The following WLS variants were observed in gnomAD, a reference collection of about 807,000 sequenced individuals.
The protein encoded by WLS is Wnt ligand secretion mediator.
Under a neutral mutation model 62.8 loss-of-function variants are expected in WLS, and 23 were observed. The observed-to-expected ratio is 0.37, with a 90% CI of 0.26 to 0.52. The LOEUF is 0.52. Ranked by LOEUF, WLS falls within the 20% of genes least tolerant of loss-of-function variation. The pLI is 0.92. For synonymous variants in WLS, 246 were observed against 244.1 expected (o/e 1.01, Z -0.07); for missense variants, 615 against 697.3 (o/e 0.88, Z 1.33).
At chr1:68,171,864 G>A (rs12029357) in intron 2 of WLS, among the ~76,000 whole-genome samples, 7,663 of 152,180 alleles carry the variant, frequency 0.05, 215 homozygotes, top group Middle Eastern at 0.11. Context: ...ACATGCACAC[G>A]TATGTTTATT....
intron 6 of WLS, among the ~76,000 whole-genome samples, chr1:68,149,791 C>A (rs2100464699): frequency 6.6e-6 from 1 of 152,258 alleles, no homozygotes; most frequent in Admixed American, 6.5e-5. Context: ...TTCCTGGGGA[C>A]AGGACAAGCA....
chr1:68,176,237 C>G (rs1252762266), intron 2 of WLS: 1 of 142,948 alleles, frequency 7.0e-6, no homozygotes, highest in Non-Finnish European at 1.6e-5. Context: ...ACTGGCAACC[C>G]CTAGATTCCG....
chr1:68,157,580 C>CTT (rs11378232), intron 3 of WLS, among the ~76,000 whole-genome samples: 2,261 of 146,734 alleles, frequency 0.015, 30 homozygotes, highest in Non-Finnish European at 0.023. Flanking sequence ...GGCAACTTGA[C>CTT]TTTTTTTTTT....
At chr1:68,224,777 TG>T (rs1447335122) in intron 1 of WLS, among the ~76,000 whole-genome samples, 1 of 151,414 alleles carries the variant, frequency 6.6e-6, no homozygotes, top group Admixed American at 6.6e-5. Context: ...AACGAAAAGG[TG>T]GGGGGGATTG....
intron 11 of WLS, among the ~76,000 whole-genome samples, chr1:68,132,082 A>G (rs1010999143): frequency 2.0e-5 from 3 of 152,232 alleles, no homozygotes; most frequent in African/African-American, 7.2e-5. Flanking sequence ...GGTAACTGAG[A>G]TGTCCCTATC....
At chr1:68,149,379 A>G (rs961348287) in intron 6 of WLS, among the ~76,000 whole-genome samples, 5 of 152,278 alleles carry the variant, frequency 3.3e-5, no homozygotes, top group African/African-American at 1.2e-4. Context: ...AGGACACCTC[A>G]TGGAGAAAGA....
At chr1:68,173,919 C>G (rs567988231) in intron 2 of WLS, among the ~76,000 whole-genome samples, 4 of 152,240 alleles carry the variant, frequency 2.6e-5, no homozygotes, top group African/African-American at 9.6e-5. Flanking sequence ...CTAAATTATA[C>G]TCTGCCTAGC....
intron 1 of WLS, among the ~76,000 whole-genome samples, chr1:68,219,913 A>G (rs1390417847): frequency 6.6e-6 from 1 of 152,112 alleles, no homozygotes; most frequent in Non-Finnish European, 1.5e-5. Context: ...GATGACTCCA[A>G]TTTTATAATG....
downstream of WLS, among the ~76,000 whole-genome samples, chr1:68,122,544 T>C (rs1646376263): frequency 6.8e-6 from 1 of 147,916 alleles, no homozygotes; most frequent in South Asian, 2.2e-4. Flanking sequence ...TTGTTTGTTG[T>C]AAGTATTGGT....
rs191453170 is a variant in WLS at position 68,178,868 on chromosome 1, A to T, written c.379+15087T>A. 7.9e-5 allele frequency among the ~76,000 whole-genome samples: 12 copies of T among 152,338 alleles called. No individual in the cohort carries two copies. In the East Asian group the frequency reaches 2.3e-3, roughly 29 times the overall value. On this transcript the variant is annotated intron_variant, in intron 2 of 11. Coordinates refer to ENST00000262348, the MANE Select transcript of WLS (RefSeq NM_024911.7). ...CCAATAATGCCTATCGAATGAATGA[A>T]TGAAATTGGGAAAGGGTTTTCAGAT...
At chr1:68,172,780 C>T (rs1211306606) in intron 2 of WLS, among the ~76,000 whole-genome samples, 1 of 151,980 alleles carries the variant, frequency 6.6e-6, no homozygotes, top group Non-Finnish European at 1.5e-5. Context: ...AGAGGAAGCC[C>T]CATGTATAAA....
chr1:68,113,109 C>T (rs578190945), intron 11 of WLS, among the ~76,000 whole-genome samples: 2 of 152,330 alleles, frequency 1.3e-5, no homozygotes, highest in South Asian at 4.1e-4. Flanking sequence ...GAAGCCTTCT[C>T]TCTCCATCTG....
At chr1:68,156,520 C>T (rs184990943) in intron 3 of WLS, among the ~76,000 whole-genome samples, 15 of 152,202 alleles carry the variant, frequency 9.9e-5, no homozygotes, top group Admixed American at 9.8e-4. Context: ...GACCTTTGTA[C>T]AGAGACAGAG....
At chr1:68,188,028 G>A (rs1431172906) in intron 2 of WLS, among the ~76,000 whole-genome samples, 2 of 152,146 alleles carry the variant, frequency 1.3e-5, no homozygotes, top group Non-Finnish European at 2.9e-5. Context: ...GTCACCTTCA[G>A]TGATGTAAAA....
At chr1:68,151,446 A>G (rs147068330) in intron 5 of WLS, among the ~76,000 whole-genome samples, 2 of 152,350 alleles carry the variant, frequency 1.3e-5, no homozygotes, top group African/African-American at 4.8e-5. Context: ...TTCAAAAAAT[A>G]TTTATTAAAC....
chr1:68,186,035 A>C (rs1276100781), intron 2 of WLS, among the ~76,000 whole-genome samples: 1 of 152,236 alleles, frequency 6.6e-6, no homozygotes, highest in Non-Finnish European at 1.5e-5. Context: ...CAGTTGACTC[A>C]TTAGCATGCA....
At chr1:68,232,541 T>C, upstream of WLS, 1 of 673,550 alleles carries the variant, frequency 1.5e-6, no homozygotes, top group Non-Finnish European at 2.3e-6. Flanking sequence ...CCGCCGCCTG[T>C]GGACGCTTAA....
chr1:68,148,614 C>G lies in WLS; in HGVS notation c.1019G>C (p.Gly340Ala). ...GCAGAAGGAGCCAACGGCAATGGGT[C>G]CGACTTGCTTCCAATACCCTGCGAT... Reference protein sequence around the residue: ...NHIAGYWKQVGPIAVGSFCLF... With the variant: ...NHIAGYWKQVAPIAVGSFCLF... Residue 340 changes from glycine to alanine, a missense_variant, in exon 7 of 12, where the codon GGA becomes GCA. By Grantham distance (60) the Gly-to-Ala change is moderately conservative. Transcript: ENST00000262348. 3 of 1,614,058 alleles carry G rather than the reference C, an allele frequency of 1.9e-6. No homozygotes were observed. Among genetic ancestry groups the G allele is most frequent in the Non-Finnish European group, 2.5e-6 (3 of 1,180,006 alleles).
At chr1:68,191,369 A>G (rs1291915393) in intron 2 of WLS, among the ~76,000 whole-genome samples, 1 of 152,120 alleles carries the variant, frequency 6.6e-6, no homozygotes, top group African/African-American at 2.4e-5. Flanking sequence ...GCTTGAATGC[A>G]TTCTTAGGAA....
Sources: gnomAD v4.1 joint callset for allele counts (sites outside exome capture counted in the v4.1 genomes callset) on GRCh38, gnomAD v4.1.1 for gene constraint, MANE v1.5 for transcripts, NCBI Gene and HGNC (gene_info 2026-07-23, HGNC 2026-07-21) for gene names.